Variants in SUPT3H observed in about 807,000 individuals in gnomAD.
SUPT3H encodes SPT3 homolog, SAGA and STAGA complex component, also known as transcription initiation protein SPT3 homolog.
SUPT3H carries 44 observed loss-of-function variants against 44.3 expected under a neutral mutation model. That is an observed-to-expected ratio of 0.99 (90% CI 0.78 to 1.28). The LOEUF (loss-of-function observed/expected upper bound fraction) is 1.28. Among genes scored for constraint, SUPT3H ranks in the 50% most tolerant of loss-of-function variants. The probability of loss-of-function intolerance (pLI) is 0.00; values close to 1 mark genes in which losing one functional copy is unlikely to be tolerated. For missense variants in SUPT3H, 380 were observed against 387.1 expected (o/e 0.98, Z 0.15); for synonymous variants, 124 against 125.6 (o/e 0.99, Z 0.09).
At chr6:45,178,312 G>C (rs956706112) in intron 2 of SUPT3H, among the ~76,000 whole-genome samples, 58 of 151,910 alleles carry the variant, frequency 3.8e-4, no homozygotes, top group Middle Eastern at 3.2e-3. Flanking sequence ...AAGATCAAAA[G>C]AGACAAGGCC....
chr6:44,949,865 A>G (rs1482459797), intron 9 of SUPT3H, among the ~76,000 whole-genome samples: 1 of 152,188 alleles, frequency 6.6e-6, no homozygotes, highest in Non-Finnish European at 1.5e-5. Flanking sequence ...ACCTGTTTGG[A>G]AAAAAAGTCT....
intron 2 of SUPT3H, among the ~76,000 whole-genome samples, chr6:45,176,651 A>C (rs1811958121): frequency 6.6e-6 from 1 of 152,186 alleles, no homozygotes; most frequent in African/African-American, 2.4e-5. Context: ...GACAGCAGTA[A>C]CCTCTGCAGA....
intron 3 of SUPT3H, among the ~76,000 whole-genome samples, chr6:45,093,005 CT>C (rs954999525): frequency 6.6e-6 from 1 of 151,880 alleles, no homozygotes; most frequent in East Asian, 1.9e-4. Context: ...AATAACACCC[CT>C]AATAAAACAT....
At chr6:45,239,453 A>G (rs1769869217) in intron 2 of SUPT3H, among the ~76,000 whole-genome samples, 1 of 152,236 alleles carries the variant, frequency 6.6e-6, no homozygotes, top group South Asian at 2.1e-4. Context: ...GCTATTATCC[A>G]GTGATGCCCA....
intron 6 of SUPT3H, among the ~76,000 whole-genome samples, chr6:45,002,854 C>T (rs1018364462): frequency 5.1e-5 from 6 of 118,086 alleles, no homozygotes; most frequent in African/African-American, 2.0e-4. Flanking sequence ...TGCATAGAAA[C>T]TATAAAAAAG....
intron 10 of SUPT3H, among the ~76,000 whole-genome samples, chr6:44,895,881 T>C (rs1008271098): frequency 6.6e-6 from 1 of 151,484 alleles, no homozygotes; most frequent in African/African-American, 2.4e-5. Flanking sequence ...ATAACTAAAG[T>C]AGGGTAAAAA....
intron 10 of SUPT3H, among the ~76,000 whole-genome samples, chr6:44,877,602 A>G (rs1777521665): frequency 6.6e-6 from 1 of 152,196 alleles, no homozygotes; most frequent in South Asian, 2.1e-4. Flanking sequence ...AAATTATTCA[A>G]TCCCATTTAC....
At chr6:44,813,805 C>A (rs1766715437) in intron 11 of SUPT3H, among the ~76,000 whole-genome samples, 2 of 150,352 alleles carry the variant, frequency 1.3e-5, no homozygotes, top group Non-Finnish European at 1.5e-5. Context: ...CATATTGAAG[C>A]AGAGAGAAAA....
chr6:45,331,394 AC>A (rs1312082681), intron 2 of SUPT3H, among the ~76,000 whole-genome samples: 1 of 151,974 alleles, frequency 6.6e-6, no homozygotes, highest in African/African-American at 2.4e-5. Context: ...GATTTCCAAA[AC>A]AGCAATTGTG....
rs1282090570 is a variant in SUPT3H at position 44,828,615 on chromosome 6, T to C, written c.*1201A>G. ...TCAGAAAGTTTTATACTTCCAAATTTGGGTGAAGGGAGAACTATTTCTACT... is the reference window on the plus strand; with the variant it reads ...TCAGAAAGTTTTATACTTCCAAATTCGGGTGAAGGGAGAACTATTTCTACT... On this transcript the variant is annotated 3_prime_UTR_variant, in exon 11 of 11. Transcript: ENST00000371459. 6.6e-6 allele frequency: 1 copy of C among 152,142 alleles called. No homozygotes were observed. Among genetic ancestry groups the C allele is most frequent in the Non-Finnish European group, 1.5e-5 (1 of 67,992 alleles). 9.4% of individuals were successfully genotyped at this position (152,142 alleles called of 1,614,324 possible).
chr6:45,314,777 G>GA (rs1386763227), intron 2 of SUPT3H, among the ~76,000 whole-genome samples: 1 of 151,862 alleles, frequency 6.6e-6, no homozygotes, highest in Non-Finnish European at 1.5e-5. Flanking sequence ...TCCACAGTTA[G>GA]AAAAAACAAT....
chr6:45,288,633 A>C (rs1235933492), intron 2 of SUPT3H, among the ~76,000 whole-genome samples: 5 of 116,298 alleles, frequency 4.3e-5, no homozygotes, highest in African/African-American at 1.6e-4. Context: ...ATATATATAT[A>C]TAGCAAAGCA....
chr6:45,238,250 G>C (rs142063034), intron 2 of SUPT3H, among the ~76,000 whole-genome samples: 1,715 of 152,230 alleles, frequency 0.011, 19 homozygotes, highest in Non-Finnish European at 0.017. Context: ...TTCTTGCACT[G>C]GTTTAATTAT....
At chr6:44,982,120 A>T (rs1295429821) in intron 6 of SUPT3H, among the ~76,000 whole-genome samples, 3 of 152,238 alleles carry the variant, frequency 2.0e-5, no homozygotes, top group Non-Finnish European at 1.5e-5. Flanking sequence ...CTAAGATTTA[A>T]GAGATAAGAC....
intron 4 of SUPT3H, among the ~76,000 whole-genome samples, chr6:45,016,583 A>G (rs1343009063): frequency 6.9e-6 from 1 of 145,078 alleles, no homozygotes; most frequent in Non-Finnish European, 1.5e-5. Context: ...TATGAGTGAG[A>G]ACATGCAGTG....
At chr6:45,245,000 T>C (rs1206873352) in intron 2 of SUPT3H, among the ~76,000 whole-genome samples, 2 of 152,168 alleles carry the variant, frequency 1.3e-5, no homozygotes, top group African/African-American at 4.8e-5. Flanking sequence ...ATTTCATTAT[T>C]TACAAACTCT....
At chr6:44,848,253 A>G (rs934177365) in intron 10 of SUPT3H, among the ~76,000 whole-genome samples, 3 of 152,150 alleles carry the variant, frequency 2.0e-5, no homozygotes, top group African/African-American at 7.2e-5. Context: ...TACAGGAGTG[A>G]GCCACTGTAC....
chr6:45,021,252 T>C (rs189068193), intron 3 of SUPT3H, among the ~76,000 whole-genome samples: 180 of 152,024 alleles, frequency 1.2e-3, no homozygotes, highest in African/African-American at 4.1e-3. Context: ...AAAACATTAC[T>C]GCACTAAAAG....
intron 2 of SUPT3H, among the ~76,000 whole-genome samples, chr6:45,272,469 C>T (rs1415363430): frequency 6.6e-5 from 10 of 152,138 alleles, no homozygotes; most frequent in African/African-American, 2.4e-4. Flanking sequence ...GTGAGGCTTC[C>T]CCGGCCATGT....
Sources: allele counts gnomAD v4.1 joint callset (sites outside exome capture counted in the v4.1 genomes callset), GRCh38; gene constraint gnomAD v4.1.1; transcripts MANE v1.5; gene names NCBI Gene and HGNC (gene_info 2026-07-23, HGNC 2026-07-21).